COL25A1: variants seen among roughly 807,000 people sequenced by gnomAD.
The protein encoded by COL25A1 is collagen alpha-1(XXV) chain.
A neutral mutation model predicts 128.4 loss-of-function variants in COL25A1; 103 were observed. That is an observed-to-expected ratio of 0.80 (90% confidence interval 0.68 to 0.94). COL25A1 has a LOEUF of 0.94. Among genes scored for constraint, COL25A1 ranks in the 40% least tolerant of loss-of-function variants. The pLI, the probability that COL25A1 is intolerant of heterozygous loss-of-function variation, is 0.00. For synonymous variants in COL25A1, 279 were observed against 277.2 expected (o/e 1.01, Z -0.06); for missense variants, 745 against 840.0 (o/e 0.89, Z 1.40).
chr4:109,155,993 T>C (rs945932696), intron 3 of COL25A1, among the ~76,000 whole-genome samples: 2 of 152,172 alleles, frequency 1.3e-5, no homozygotes, highest in African/African-American at 4.8e-5. Flanking sequence ...AGTAGGGCCA[T>C]TTGTCAAAGG....
rs186769993 is a variant in COL25A1 at position 109,122,279 on chromosome 4, G to T, written c.368-72100C>A. Among the ~76,000 whole-genome samples, 37 of 152,152 alleles carry T rather than the reference G, an allele frequency of 2.4e-4. No homozygotes were observed. In the East Asian group the frequency reaches 7.2e-3, roughly 29 times the overall value. On this transcript the variant is annotated intron_variant, in intron 3 of 37. Coordinates refer to ENST00000399132, the MANE Select transcript of COL25A1 (RefSeq NM_198721.4). ...CCCTAATGTAAACTATGGACTCCGG[G>T]TGATAATGATGTGTCAGAGTCAGCT...
At chr4:108,905,301 G>A (rs1273358245) in intron 13 of COL25A1, among the ~76,000 whole-genome samples, 1 of 151,862 alleles carries the variant, frequency 6.6e-6, no homozygotes, top group Non-Finnish European at 1.5e-5. Flanking sequence ...TAAAGATTTA[G>A]TAGGAAAAAA....
intron 3 of COL25A1, among the ~76,000 whole-genome samples, chr4:109,136,611 A>G (rs1028773682): frequency 6.6e-6 from 1 of 152,208 alleles, no homozygotes; most frequent in African/African-American, 2.4e-5. Flanking sequence ...CATTTCAGGA[A>G]CTGAAAAGGT....
intron 3 of COL25A1, among the ~76,000 whole-genome samples, chr4:109,152,432 T>C (rs1411427606): frequency 6.6e-6 from 1 of 152,194 alleles, no homozygotes; most frequent in Non-Finnish European, 1.5e-5. Context: ...ATTCTGCACA[T>C]TTTTCCCTAA....
chr4:108,841,592 T>C (rs1031459236), intron 31 of COL25A1, 103 bp downstream of exon 31: 6 of 938,502 alleles, frequency 6.4e-6, no homozygotes, highest in South Asian at 4.6e-5. Context: ...ATTATCAACA[T>C]TACTTGACAA....
At chr4:109,101,985 C>T (rs778738336) in intron 3 of COL25A1, among the ~76,000 whole-genome samples, 1 of 152,170 alleles carries the variant, frequency 6.6e-6, no homozygotes, top group Non-Finnish European at 1.5e-5. Flanking sequence ...ACATGAAATA[C>T]ATCACATGTA....
chr4:109,178,504 T>C (rs1022707480), intron 3 of COL25A1, among the ~76,000 whole-genome samples: 1 of 152,120 alleles, frequency 6.6e-6, no homozygotes, highest in Non-Finnish European at 1.5e-5. Flanking sequence ...CTATCTGATC[T>C]CTGTAAGCCT....
intron 3 of COL25A1, among the ~76,000 whole-genome samples, chr4:109,258,037 C>A (rs1259196543): frequency 6.6e-6 from 1 of 152,142 alleles, no homozygotes; most frequent in Non-Finnish European, 1.5e-5. Flanking sequence ...ATCATTGATG[C>A]CTTCTTCTCC....
rs751843605 is a variant in COL25A1 at position 108,974,576 on chromosome 4, G to GA, written c.439-18dup. 17 of 1,584,318 alleles carry GA rather than the reference G, an allele frequency of 1.1e-5. No homozygotes were observed. The highest frequency in any genetic ancestry group is 3.6e-5 in the Admixed American group (2 of 56,198). ...AGGAGGGCCCTGAAAAAAAGAAAGA[G>GA]AAAAAAAATTTTAATTAAAAAAAGA... On this transcript the variant is annotated splice_polypyrimidine_tract_variant and intron_variant, in intron 6 of 37. Coordinates refer to ENST00000399132, the MANE Select transcript of COL25A1 (RefSeq NM_198721.4).
chr4:108,849,065 A>G (rs1216501053), intron 26 of COL25A1, among the ~76,000 whole-genome samples: 3 of 152,022 alleles, frequency 2.0e-5, no homozygotes, highest in Admixed American at 1.3e-4. Flanking sequence ...CAGGCTAAAA[A>G]AGAGTGGTCA....
chr4:109,270,610 T>G (rs1347904859), intron 3 of COL25A1, among the ~76,000 whole-genome samples: 2 of 152,144 alleles, frequency 1.3e-5, no homozygotes, highest in East Asian at 3.8e-4. Context: ...ATCTCAAGGA[T>G]TTTGGCACAC....
chr4:109,136,320 GC>G lies in COL25A1; in HGVS notation c.368-86142del, dbSNP rs1249173570. 6.6e-5 allele frequency among the ~76,000 whole-genome samples: 10 copies of G among 152,204 alleles called. No individual in the cohort carries two copies. In the East Asian group the frequency reaches 1.9e-3, roughly 29 times the overall value. On this transcript the variant is annotated intron_variant, in intron 3 of 37. Transcript: ENST00000399132. ...AGGCTAAGGCATGAGAATCGCTTAAGCCTGGGAGGCGGAGGTTGCAGTGAGC... is the reference window on the plus strand; with the variant it reads ...AGGCTAAGGCATGAGAATCGCTTAAGCTGGGAGGCGGAGGTTGCAGTGAGC...
intron 8 of COL25A1, chr4:108,942,320 C>T: frequency 6.7e-7 from 1 of 1,495,554 alleles, no homozygotes. Context: ...GTCACACAGA[C>T]ATTTCACTAG....
intron 3 of COL25A1, among the ~76,000 whole-genome samples, chr4:109,288,520 TGG>T (rs920904690): frequency 1.3e-5 from 2 of 152,140 alleles, no homozygotes; most frequent in African/African-American, 4.8e-5. Context: ...ATATTTATAA[TGG>T]GCACTATTAT....
At chr4:109,124,996 A>T (rs1464397501) in intron 3 of COL25A1, among the ~76,000 whole-genome samples, 1 of 152,104 alleles carries the variant, frequency 6.6e-6, no homozygotes, top group Admixed American at 6.6e-5. Flanking sequence ...TACAGAATTT[A>T]AAAACAGAAA....
At chr4:109,105,474 G>A (rs1013585422) in intron 3 of COL25A1, among the ~76,000 whole-genome samples, 4 of 152,100 alleles carry the variant, frequency 2.6e-5, no homozygotes, top group Non-Finnish European at 5.9e-5. Flanking sequence ...GGGATACAGA[G>A]TAAGAGGCTC....
intron 8 of COL25A1, among the ~76,000 whole-genome samples, chr4:108,941,950 C>T (rs1009402688): frequency 1.3e-5 from 2 of 152,116 alleles, no homozygotes; most frequent in African/African-American, 4.8e-5. Flanking sequence ...GCCATCAAGG[C>T]GTGGCATGGT....
intron 3 of COL25A1, among the ~76,000 whole-genome samples, chr4:109,276,425 A>G (rs1722852590): frequency 6.6e-6 from 1 of 152,028 alleles, no homozygotes; most frequent in African/African-American, 2.4e-5. Context: ...AAAAAAAAAA[A>G]AAAATTGTCT....
chr4:109,136,641 T>C (rs1769798250), intron 3 of COL25A1, among the ~76,000 whole-genome samples: 1 of 152,148 alleles, frequency 6.6e-6, no homozygotes, highest in South Asian at 2.1e-4. Context: ...TGGAGTCTGG[T>C]GTGAATGGAA....
Sources: gnomAD v4.1 joint callset for allele counts (sites outside exome capture counted in the v4.1 genomes callset) on GRCh38, gnomAD v4.1.1 for gene constraint, MANE v1.5 for transcripts, NCBI Gene and HGNC (gene_info 2026-07-23, HGNC 2026-07-21) for gene names.